NTNG2: variants seen among roughly 807,000 people sequenced by gnomAD.
The protein encoded by NTNG2 is netrin-G2.
A neutral mutation model predicts 47.6 loss-of-function variants in NTNG2; 15 were observed. The observed-to-expected ratio is 0.32, with a 90% CI of 0.21 to 0.49. The LOEUF is 0.49. Among genes scored for constraint, NTNG2 ranks in the 20% least tolerant of loss-of-function variants. The probability of loss-of-function intolerance (pLI) is 0.99; values close to 1 mark genes in which losing one functional copy is unlikely to be tolerated. For synonymous variants in NTNG2, 307 were observed against 324.6 expected (o/e 0.95, Z 0.58); for missense variants, 578 against 764.6 (o/e 0.76, Z 2.88).
chr9:132,241,318 A>C, intron 7 of NTNG2: 8 of 400,942 alleles, frequency 2.0e-5, no homozygotes, highest in East Asian at 4.9e-5. Context: ...GATGGGGCCG[A>C]CCCGGGGGCG....
rs1295092524 is a variant in NTNG2 at position 132,226,440 on chromosome 9, C to G, written c.858-409C>G. Among the ~76,000 whole-genome samples, 2 of 152,180 alleles carry G rather than the reference C, an allele frequency of 1.3e-5. No individual in the cohort carries two copies. Among genetic ancestry groups the G allele is most frequent in the Non-Finnish European group, 2.9e-5 (2 of 68,044 alleles). ...AATGAAGTGCAGCCCATGGCCAAGT[C>G]TCTGTCTACACCAGGTGCTGGCAGC... On this transcript the variant is annotated intron_variant, in intron 3 of 7. Coordinates refer to ENST00000393229, the MANE Select transcript of NTNG2 (RefSeq NM_032536.4). The surrounding 1 kb of genome is among the most constrained non-coding windows in gnomAD (Gnocchi z 4.8).
chr9:132,191,211 G>A (rs916988378), intron 2 of NTNG2, among the ~76,000 whole-genome samples: 40 of 152,162 alleles, frequency 2.6e-4, no homozygotes, highest in Admixed American at 1.9e-3. Context: ...TGAGTCAGCC[G>A]TTCCCGGGAC....
chr9:132,193,548 A>C (rs553692818), intron 2 of NTNG2, among the ~76,000 whole-genome samples: 1 of 152,160 alleles, frequency 6.6e-6, no homozygotes, highest in African/African-American at 2.4e-5. Context: ...TGCTGGGTTG[A>C]TAAGAGCTTT....
chr9:132,197,890 C>T lies in NTNG2; in HGVS notation c.214-76C>T. The T allele has an allele frequency of 6.9e-7, 1 of 1,440,660 alleles. No individual in the cohort carries two copies. The highest frequency in any genetic ancestry group is 9.4e-7 in the Non-Finnish European group (1 of 1,065,600). 89.2% of individuals were successfully genotyped at this position (1,440,660 alleles called of 1,614,324 possible). On this transcript the variant is annotated intron_variant, in intron 2 of 7. Transcript: ENST00000393229. The surrounding 1 kb of genome is among the most constrained non-coding windows in gnomAD (Gnocchi z 4.3). ...AGGTTTCTCGGTTCGCAGGCAGGGGCTAGGCCGCGCAGAGGCTTCCCAGGC... is the reference window on the plus strand; with the variant it reads ...AGGTTTCTCGGTTCGCAGGCAGGGGTTAGGCCGCGCAGAGGCTTCCCAGGC...
chr9:132,206,615 C>T lies in NTNG2; in HGVS notation c.857+8006C>T, dbSNP rs577892224. On this transcript the variant is annotated intron_variant, in intron 3 of 7. Coordinates refer to ENST00000393229, the MANE Select transcript of NTNG2 (RefSeq NM_032536.4). ...CCAGAAGGCGGAGGTTGCAGTGAGC[C>T]GAGATCGTGCCATTGCACTCCAGCC... is the stretch of plus-strand genomic sequence containing the variant. 2.3e-3 allele frequency among the ~76,000 whole-genome samples: 356 copies of T among 152,288 alleles called. 2 individuals are homozygous for T. The highest frequency in any genetic ancestry group is 8.2e-3 in the African/African-American group (340 of 41,540).
Position 132,231,417 on chromosome 9 carries a change from A to G in NTNG2, c.1054+822A>G. The stretch of plus-strand genomic sequence containing the variant: ...AATCTCAGAGATGCTTCTGGGGTGC[A>G]CCGTCACCCTCCACCAGGGCTCTGT... On this transcript the variant is annotated intron_variant, in intron 5 of 7. Coordinates refer to ENST00000393229, the MANE Select transcript of NTNG2 (RefSeq NM_032536.4). The surrounding 1 kb of genome is among the most constrained non-coding windows in gnomAD (Gnocchi z 4.1). 2.2e-6 allele frequency: 1 copy of G among 445,800 alleles called. No homozygotes were observed. The highest frequency in any genetic ancestry group is 1.6e-5 in the South Asian group (1 of 63,532). 27.6% of individuals were successfully genotyped at this position (445,800 alleles called of 1,614,324 possible).
At position 132,162,064 on chromosome 9, in the gene NTNG2, ACGG is replaced by A. The variant is rs568463296; in HGVS notation, c.-642_-640del. 275 of 149,870 alleles carry A rather than the reference ACGG, an allele frequency of 1.8e-3. No individual in the cohort carries two copies. Among genetic ancestry groups the A allele is most frequent in the African/African-American group, 6.4e-3 (261 of 40,810 alleles). 9.3% of individuals were successfully genotyped at this position (149,870 alleles called of 1,614,324 possible). On this transcript the variant is annotated 5_prime_UTR_variant, in exon 1 of 8. Transcript: ENST00000393229. The surrounding 1 kb of genome is among the most constrained non-coding windows in gnomAD (Gnocchi z 4.6). ...CGGAGGGCTCCCTGGCCCCGATCTG[ACGG>A]CGGCGGCGGCGGCGGCCACAGCGGC...
chr9:132,176,147 G>A (rs1377878849), intron 2 of NTNG2, among the ~76,000 whole-genome samples: 3 of 151,724 alleles, frequency 2.0e-5, no homozygotes, highest in Non-Finnish European at 4.4e-5. Flanking sequence ...CCAAGAGTTT[G>A]AGACCAGCCT....
chr9:132,185,645 G>A (rs541679464), intron 2 of NTNG2, among the ~76,000 whole-genome samples: 20 of 151,652 alleles, frequency 1.3e-4, no homozygotes, highest in Middle Eastern at 3.4e-3. Context: ...CCTTTCCCCC[G>A]CCCGCCCCCT....
intron 3 of NTNG2, among the ~76,000 whole-genome samples, chr9:132,219,108 T>C (rs1200885325): frequency 1.3e-5 from 2 of 152,030 alleles, no homozygotes; most frequent in African/African-American, 4.8e-5. Context: ...TCCCAGCTAC[T>C]TGGGAGGCTG....
rs186177208 is a variant in NTNG2 at position 132,234,528 on chromosome 9, G to A, written c.1054+3933G>A. On this transcript the variant is annotated intron_variant, in intron 5 of 7. Coordinates refer to ENST00000393229, the MANE Select transcript of NTNG2 (RefSeq NM_032536.4). ...TCCCTGAAAGATCCTGAATACCCCC[G>A]AGTGCCTCCCAACAGGTGCTTCGGG... is the stretch of plus-strand genomic sequence containing the variant. Among the ~76,000 whole-genome samples the A allele has an allele frequency of 3.2e-4, 49 of 152,320 alleles. No homozygotes were observed. The East Asian group carries it at 8.5e-3, about 26-fold the overall frequency.
chr9:132,161,858 G>C (rs1050617288), upstream of NTNG2: 2 of 150,238 alleles, frequency 1.3e-5, no homozygotes. The surrounding 1 kb of genome is among the most constrained non-coding windows in gnomAD (Gnocchi z 7.2). Flanking sequence ...AAGCCCACCC[G>C]GGCCGGGGGC....
chr9:132,207,513 A>G (rs1203110597), intron 3 of NTNG2, among the ~76,000 whole-genome samples: 2 of 152,188 alleles, frequency 1.3e-5, no homozygotes, highest in Admixed American at 6.5e-5. Context: ...AGGGACACCA[A>G]TCACATCGGA....
In NTNG2 at chr9:132,215,527, C is replaced by A. The variant is rs1839905481; in HGVS notation, c.858-11322C>A. ...CCCAGGAGGTGGAGGTTGAAGTGAG[C>A]CAAGATCGAACCACTGCACTCCGGT... On this transcript the variant is annotated intron_variant, in intron 3 of 7. Transcript: ENST00000393229. This position sits in a 1 kb window ranked among gnomAD's most constrained non-coding sequence, Gnocchi z 4.2. Among the ~76,000 whole-genome samples the A allele has an allele frequency of 6.6e-6, 1 of 152,104 alleles. No individual in the cohort carries two copies. The highest frequency in any genetic ancestry group is 2.4e-5 in the African/African-American group (1 of 41,414).
chr9:132,170,628 G>A (rs1315209587), intron 2 of NTNG2, among the ~76,000 whole-genome samples: 6 of 152,208 alleles, frequency 3.9e-5, no homozygotes, highest in Non-Finnish European at 5.9e-5. Flanking sequence ...TGGTCCCCGT[G>A]AGAGGAAGGG....
Position 132,162,569 on chromosome 9 carries a change from A to AGAGTGTGT in NTNG2, c.-484+331_-484+332insAGTGTGTG, listed in dbSNP as rs1247026951. 1.2e-4 allele frequency among the ~76,000 whole-genome samples: 14 copies of AGAGTGTGT among 112,466 alleles called. No individual in the cohort carries two copies. In the East Asian group the frequency reaches 2.8e-3, roughly 23 times the overall value. 73.8% of individuals were successfully genotyped at this position (112,466 alleles called of 152,430 possible). A position where few individuals can be genotyped will look rare whatever the true frequency, so the allele number is the denominator to read the frequency against. On this transcript the variant is annotated intron_variant, in intron 1 of 7. Transcript: ENST00000393229. The surrounding 1 kb of genome is among the most constrained non-coding windows in gnomAD (Gnocchi z 4.6). ...GTGTGTGTGTGTGAGAGAGAGACAG[A>AGAGTGTGT]GTGTGTGTGTGTGTGTGTGTGTGTG...
At chr9:132,209,114 G>A in intron 3 of NTNG2, among the ~76,000 whole-genome samples, 1 of 152,238 alleles carries the variant, frequency 6.6e-6, no homozygotes, top group Non-Finnish European at 1.5e-5. Flanking sequence ...TCCCAGTCTG[G>A]GGCGATTATG....
At chr9:132,225,239 T>TTTTGTTTTG (rs1564433795) in intron 3 of NTNG2, among the ~76,000 whole-genome samples, 78 of 151,482 alleles carry the variant, frequency 5.1e-4, no homozygotes, top group African/African-American at 1.8e-3. Flanking sequence ...CTTGTTTTGT[T>TTTTGTTTTG]TTTGTTTTTG....
At chr9:132,195,482 T>A (rs1348754363) in intron 2 of NTNG2, among the ~76,000 whole-genome samples, 1 of 145,174 alleles carries the variant, frequency 6.9e-6, no homozygotes, top group East Asian at 2.0e-4. Flanking sequence ...CTATTTTTTT[T>A]TTTTTTTTTT....
Sources: allele counts gnomAD v4.1 joint callset (sites outside exome capture counted in the v4.1 genomes callset), GRCh38; gene constraint gnomAD v4.1.1; non-coding constraint Gnocchi (gnomAD v3.1); transcripts MANE v1.5; gene names NCBI Gene and HGNC (gene_info 2026-07-23, HGNC 2026-07-21).